Variants in POU6F2 observed in about 807,000 individuals in gnomAD.
The protein encoded by POU6F2 is POU domain, class 6, transcription factor 2.
Under a neutral mutation model 71.3 loss-of-function variants are expected in POU6F2, and 31 were observed. The observed-to-expected ratio is 0.43, with a 90% CI of 0.33 to 0.59. The LOEUF is 0.59. Ranked by LOEUF, POU6F2 falls within the 20% of genes least tolerant of loss-of-function variation. POU6F2 has a pLI of 0.04. For synonymous variants in POU6F2, 347 were observed against 355.7 expected (o/e 0.98, Z 0.27); for missense variants, 783 against 856.8 (o/e 0.91, Z 1.07).
chr7:39,453,902 T>A (rs181382785), intron 8 of POU6F2, among the ~76,000 whole-genome samples: 1 of 152,170 alleles, frequency 6.6e-6, no homozygotes. Context: ...AGCTCCACAG[T>A]TGTCTCTGCA....
At chr7:39,083,089 A>G (rs928452550) in intron 1 of POU6F2, among the ~76,000 whole-genome samples, 1 of 152,190 alleles carries the variant, frequency 6.6e-6, no homozygotes, top group Non-Finnish European at 1.5e-5. Context: ...CATCTTAAAG[A>G]TTTAAGTACA....
intron 1 of POU6F2, among the ~76,000 whole-genome samples, chr7:39,077,381 A>T (rs1238027706): frequency 6.6e-6 from 1 of 152,248 alleles, no homozygotes; most frequent in East Asian, 1.9e-4. Context: ...TGTGCTAGAT[A>T]CTTTGTAGAA....
intron 2 of POU6F2, among the ~76,000 whole-genome samples, chr7:39,201,580 C>G (rs1328456011): frequency 6.6e-6 from 1 of 152,230 alleles, no homozygotes; most frequent in Non-Finnish European, 1.5e-5. Context: ...GTTGCTGCCT[C>G]AAAAGCATAG....
Position 39,342,074 on chromosome 7 carries a change from T to A in POU6F2, c.972+2059T>A, listed in dbSNP as rs547124703. The stretch of plus-strand genomic sequence containing the variant: ...TTAACTTATAAACTTAATAAATATG[T>A]TTAGAGTACATTTAAATATAGAGGA... On this transcript the variant is annotated intron_variant, in intron 5 of 9. Transcript: ENST00000518318. 2.6e-5 allele frequency among the ~76,000 whole-genome samples: 4 copies of A among 152,354 alleles called. 1 individual carries two copies. The highest frequency in any genetic ancestry group is 9.6e-5 in the African/African-American group (4 of 41,586).
intron 1 of POU6F2, among the ~76,000 whole-genome samples, chr7:38,985,409 G>C (rs1031525022): frequency 5.3e-5 from 8 of 151,764 alleles, no homozygotes; most frequent in Non-Finnish European, 5.9e-5. Flanking sequence ...CTGGTCTTTG[G>C]GCCGAAACAA....
intron 1 of POU6F2, among the ~76,000 whole-genome samples, chr7:38,981,386 T>G (rs1788311720): frequency 6.6e-6 from 1 of 152,092 alleles, no homozygotes; most frequent in Non-Finnish European, 1.5e-5. Context: ...CCAATACTCC[T>G]TCTGGCACTG....
chr7:39,069,632 T>C (rs1790832597), intron 1 of POU6F2, among the ~76,000 whole-genome samples: 1 of 152,180 alleles, frequency 6.6e-6, no homozygotes, highest in African/African-American at 2.4e-5. Context: ...GCCTTACCAA[T>C]AACATAAACA....
In POU6F2 at chr7:39,357,314, C is replaced by T. The variant is rs956756459; in HGVS notation, c.972+17299C>T. Among the ~76,000 whole-genome samples, 12 of 152,306 alleles carry T rather than the reference C, an allele frequency of 7.9e-5. No individual in the cohort carries two copies. In the South Asian group the frequency reaches 2.5e-3, roughly 32 times the overall value. On this transcript the variant is annotated intron_variant, in intron 5 of 9. Transcript: ENST00000518318. ...TAAAAAACAAAAACACTGCTGGGCA[C>T]TTAACATATGCCAGGCACTGTCCTA...
At chr7:39,078,084 C>T (rs1791034692) in intron 1 of POU6F2, among the ~76,000 whole-genome samples, 1 of 152,226 alleles carries the variant, frequency 6.6e-6, no homozygotes, top group Non-Finnish European at 1.5e-5. Flanking sequence ...ACATCGTCCT[C>T]AAAGCCTTGC....
At chr7:39,072,266 G>A (rs11773650) in intron 1 of POU6F2, among the ~76,000 whole-genome samples, 74,472 of 152,070 alleles carry the variant, frequency 0.49, 18,833 homozygotes, top group East Asian at 0.87. Flanking sequence ...TTCCAGCCGT[G>A]GAGGATCAAG....
At chr7:38,989,589 T>G (rs1337108989) in intron 1 of POU6F2, among the ~76,000 whole-genome samples, 2 of 152,266 alleles carry the variant, frequency 1.3e-5, no homozygotes, top group East Asian at 3.9e-4. Context: ...AGAAATTTTT[T>G]AGGGATAAAT....
chr7:39,434,650 T>TA (rs139761263), intron 7 of POU6F2, among the ~76,000 whole-genome samples: 3,191 of 141,858 alleles, frequency 0.022, 112 homozygotes, highest in African/African-American at 0.078. Context: ...AAACTTCTTC[T>TA]AAAAAAAAAA....
intron 1 of POU6F2, among the ~76,000 whole-genome samples, chr7:39,056,522 T>C (rs1218784818): frequency 6.6e-6 from 1 of 152,204 alleles, no homozygotes; most frequent in Non-Finnish European, 1.5e-5. Flanking sequence ...ATCTTTTTTA[T>C]AATTTTTGTA....
chr7:39,282,127 A>T (rs1036738784), intron 4 of POU6F2, among the ~76,000 whole-genome samples: 2 of 152,042 alleles, frequency 1.3e-5, no homozygotes, highest in Non-Finnish European at 2.9e-5. Context: ...TCATTTTTAA[A>T]ATCAGAGTAT....
Position 39,265,762 on chromosome 7 carries a change from GT to G in POU6F2, c.598+58146del, listed in dbSNP as rs1333789343. On this transcript the variant is annotated intron_variant, in intron 4 of 9. Coordinates refer to ENST00000518318, the MANE Select transcript of POU6F2 (RefSeq NM_001370959.1). ...ACATCAATTACAACCAGTTTTAAGGGTTTTAAAATGTAATCCTACAGTGCTG... is the reference window on the plus strand; with the variant it reads ...ACATCAATTACAACCAGTTTTAAGGGTTTAAAATGTAATCCTACAGTGCTG... Among the ~76,000 whole-genome samples, 3 of 152,220 alleles carry G rather than the reference GT, an allele frequency of 2.0e-5. No individual in the cohort carries two copies. In the East Asian group the frequency reaches 5.8e-4, roughly 29 times the overall value.
intron 7 of POU6F2, among the ~76,000 whole-genome samples, chr7:39,445,730 A>G (rs1250170122): frequency 1.3e-5 from 2 of 152,180 alleles, no homozygotes; most frequent in Non-Finnish European, 2.9e-5. Context: ...AGCAAATTTA[A>G]TTTGTGCTCT....
Position 39,238,254 on chromosome 7 carries a change from G to A in POU6F2, c.598+30634G>A, listed in dbSNP as rs191991995. ...TAGTACTCGCCAAGTGGGCTGCAGC[G>A]GAGATTAGAGACAATGAACATATAA... is the stretch of plus-strand genomic sequence containing the variant. On this transcript the variant is annotated intron_variant, in intron 4 of 9. Transcript: ENST00000518318. Among the ~76,000 whole-genome samples, 416 of 152,180 alleles carry A rather than the reference G, an allele frequency of 2.7e-3. 1 individual carries two copies. The highest frequency in any genetic ancestry group is 9.7e-3 in the African/African-American group (403 of 41,520).
Position 39,086,019 on chromosome 7 carries a change from A to G in POU6F2, c.265A>G (p.Ser89Gly). ...VESNDSEDTP[S>G]KLFGARGNPA... ...ATCAAATGACAGCGAGGACACTCCC[A>G]GCAAGCTCTTCGGTAAGTCTGTCTA... Residue 89 changes from serine (S) to glycine (G), a missense_variant, in exon 2 of 10, where the codon AGC (serine) becomes GGC (glycine). Physicochemically the swap from Ser to Gly is moderately conservative, Grantham distance 56. Around this residue, in one of 2 missense-constraint regions of POU6F2, gnomAD observed 572 missense variants for 572.9 expected, o/e 1.00. Coordinates refer to ENST00000518318, the MANE Select transcript of POU6F2 (RefSeq NM_001370959.1). The G allele has an allele frequency of 6.2e-7, 1 of 1,613,600 alleles. No individual in the cohort carries two copies. The highest frequency in any genetic ancestry group is 8.5e-7 in the Non-Finnish European group (1 of 1,179,712).
chr7:38,982,018 C>T (rs1788329737), intron 1 of POU6F2, among the ~76,000 whole-genome samples: 1 of 152,116 alleles, frequency 6.6e-6, no homozygotes, highest in South Asian at 2.1e-4. Context: ...AATTTGCTTA[C>T]CTAAAATATG....
Sources: gnomAD v4.1 joint callset for allele counts (sites outside exome capture counted in the v4.1 genomes callset) on GRCh38, gnomAD v4.1.1 for gene constraint, gnomAD v4.1.1 regional missense constraint, MANE v1.5 for transcripts, NCBI Gene and HGNC (gene_info 2026-07-23, HGNC 2026-07-21) for gene names.